Variants in UNC5D observed in about 807,000 individuals in gnomAD.
The protein encoded by UNC5D is netrin receptor UNC5D.
In UNC5D, 39 loss-of-function variants were observed where a neutral mutation model predicts 105.4. That is an observed-to-expected ratio of 0.37 (90% CI 0.29 to 0.48). UNC5D has a LOEUF of 0.48. Ranked by LOEUF, UNC5D falls within the 20% of genes least tolerant of loss-of-function variation. The pLI, the probability that UNC5D is intolerant of heterozygous loss-of-function variation, is 0.98. For missense variants in UNC5D, 991 were observed against 1,202.4 expected, an observed-to-expected ratio of 0.82 and a Z score of 2.60; for synonymous variants, 452 against 450.4, an observed-to-expected ratio of 1.00 and a Z score of -0.04.
intron 1 of UNC5D, among the ~76,000 whole-genome samples, chr8:35,507,205 G>A (rs1270076402): frequency 2.7e-5 from 4 of 150,844 alleles, no homozygotes; most frequent in Admixed American, 1.3e-4. Context: ...ACAGGCGCCC[G>A]CCACTACGCC....
intron 4 of UNC5D, among the ~76,000 whole-genome samples, chr8:35,645,280 G>C (rs993773078): frequency 6.6e-6 from 1 of 152,042 alleles, no homozygotes; most frequent in African/African-American, 2.4e-5. Flanking sequence ...CCTAATTTGG[G>C]CATTATTTAC....
intron 2 of UNC5D, among the ~76,000 whole-genome samples, chr8:35,551,410 G>A (rs1399942929): frequency 6.6e-6 from 1 of 152,192 alleles, no homozygotes; most frequent in African/African-American, 2.4e-5. Flanking sequence ...ACGAAGCCAT[G>A]TGGGTGGAAG....
chr8:35,369,312 ATTAAT>A (rs1282451507), intron 1 of UNC5D, among the ~76,000 whole-genome samples: 1 of 152,210 alleles, frequency 6.6e-6, no homozygotes, highest in East Asian at 1.9e-4. Context: ...TATACTTTGA[ATTAAT>A]TTTATTGACA....
chr8:35,503,229 C>T (rs1812083328), intron 1 of UNC5D, among the ~76,000 whole-genome samples: 1 of 152,080 alleles, frequency 6.6e-6, no homozygotes, highest in South Asian at 2.1e-4. Context: ...GTGTATTAGT[C>T]CGTTTTCATG....
At position 35,759,326 on chromosome 8, in the gene UNC5D, G is replaced by C. The variant is rs1415863035; in HGVS notation, c.2170G>C (p.Val724Leu). The change falls in exon 14 of 17, where the codon GTT (valine) becomes CTT (leucine). Residue 724 changes from valine (V) to leucine (L), a missense_variant. Physicochemically the swap from Val to Leu is conservative, Grantham distance 32 (BLOSUM62 1). Around this residue, in one of 3 missense-constraint regions of UNC5D, gnomAD observed 944 missense variants for 1,131.6 expected, o/e 0.83. Coordinates refer to ENST00000404895, the MANE Select transcript of UNC5D (RefSeq NM_080872.4). ...DNTPCAFQEV[V>L]SDERHQGGQL... ...TCTTTTTCTTCTCCTATAGGAAGTG[G>C]TTTCAGATGAAAGGCATCAAGGTGG... is the stretch of plus-strand genomic sequence containing the variant. 6.2e-7 allele frequency: 1 copy of C among 1,612,658 alleles called. No homozygotes were observed. Among genetic ancestry groups the C allele is most frequent in the Non-Finnish European group, 8.5e-7 (1 of 1,179,694 alleles).
intron 1 of UNC5D, among the ~76,000 whole-genome samples, chr8:35,536,099 T>G (rs1357294334): frequency 6.6e-6 from 1 of 152,206 alleles, no homozygotes; most frequent in East Asian, 1.9e-4. Context: ...GGAACAATAT[T>G]TTGTGCTTCA....
At chr8:35,659,120 T>TA (rs920726334) in intron 4 of UNC5D, among the ~76,000 whole-genome samples, 3 of 152,196 alleles carry the variant, frequency 2.0e-5, no homozygotes, top group Admixed American at 6.5e-5. Context: ...CATACTTTGT[T>TA]ATAGTTTTTT....
At chr8:35,719,355 G>A (rs554230229) in intron 8 of UNC5D, among the ~76,000 whole-genome samples, 4 of 152,136 alleles carry the variant, frequency 2.6e-5, no homozygotes, top group Non-Finnish European at 4.4e-5. Flanking sequence ...AAAACAATGG[G>A]ATGGAGGTGT....
chr8:35,480,931 G>A (rs541491454), intron 1 of UNC5D, among the ~76,000 whole-genome samples: 1 of 152,240 alleles, frequency 6.6e-6, no homozygotes, highest in Non-Finnish European at 1.5e-5. Flanking sequence ...GATATGGATG[G>A]CTTAAGATGA....
At chr8:35,486,034 T>G (rs548112623) in intron 1 of UNC5D, among the ~76,000 whole-genome samples, 1 of 152,144 alleles carries the variant, frequency 6.6e-6, no homozygotes, top group Non-Finnish European at 1.5e-5. Context: ...GTCACACTGC[T>G]TTTTTTTCTA....
chr8:35,595,441 TTG>T (rs1358668037), intron 3 of UNC5D, 111 bp from the exon 4 acceptor site: 85 of 786,796 alleles, frequency 1.1e-4, no homozygotes, highest in South Asian at 1.3e-4. Flanking sequence ...TGACTTATTT[TTG>T]TGTGTGTGTG....
At chr8:35,762,953 A>C (rs1801606577) in intron 14 of UNC5D, among the ~76,000 whole-genome samples, 1 of 152,154 alleles carries the variant, frequency 6.6e-6, no homozygotes, top group Non-Finnish European at 1.5e-5. Flanking sequence ...CAAAATGAAA[A>C]CATTTCCGGA....
intron 1 of UNC5D, among the ~76,000 whole-genome samples, chr8:35,301,122 A>C (rs1317519466): frequency 2.0e-5 from 3 of 152,138 alleles, no homozygotes. Context: ...TCCTTCAAGA[A>C]ATTACTGATT....
chr8:35,673,659 TG>T lies in UNC5D; in HGVS notation c.571-9887del, dbSNP rs549311063. 3.3e-5 allele frequency among the ~76,000 whole-genome samples: 5 copies of T among 152,266 alleles called. No homozygotes were observed. The East Asian group carries it at 9.7e-4, about 29-fold the overall frequency. ...GAATGACAATATGTTCACTTGTGAG[TG>T]TAAAGACAATGGCCGACAGCACTGT... On this transcript the variant is annotated intron_variant, in intron 4 of 16. Coordinates refer to ENST00000404895, the MANE Select transcript of UNC5D (RefSeq NM_080872.4).
At chr8:35,355,232 G>A (rs1221612680) in intron 1 of UNC5D, among the ~76,000 whole-genome samples, 1 of 152,032 alleles carries the variant, frequency 6.6e-6, no homozygotes, top group Non-Finnish European at 1.5e-5. Flanking sequence ...TGAACAACTT[G>A]AGCAAGATCC....
At chr8:35,395,827 C>G (rs551477025) in intron 1 of UNC5D, among the ~76,000 whole-genome samples, 1 of 152,324 alleles carries the variant, frequency 6.6e-6, no homozygotes, top group South Asian at 2.1e-4. Flanking sequence ...TTCTCACAGT[C>G]CTCACATGTC....
At chr8:35,756,796 A>G (rs1458450465) in intron 13 of UNC5D, among the ~76,000 whole-genome samples, 1 of 152,176 alleles carries the variant, frequency 6.6e-6, no homozygotes, top group Non-Finnish European at 1.5e-5. Context: ...TGTAGTTTCT[A>G]ACAAAATAGT....
chr8:35,251,229 G>A (rs1162798034), intron 1 of UNC5D, among the ~76,000 whole-genome samples: 2 of 152,136 alleles, frequency 1.3e-5, no homozygotes, highest in Non-Finnish European at 2.9e-5. Context: ...GTTCAACATG[G>A]CTGGGTAGGC....
intron 14 of UNC5D, among the ~76,000 whole-genome samples, chr8:35,760,040 C>CT (rs796124727): frequency 0.078 from 10,432 of 132,918 alleles, 731 homozygotes; most frequent in African/African-American, 0.18. Flanking sequence ...TTTACTTTTT[C>CT]TTTTTTTTTT....
Sources: gnomAD v4.1 joint callset for allele counts (sites outside exome capture counted in the v4.1 genomes callset) on GRCh38, gnomAD v4.1.1 for gene constraint, gnomAD v4.1.1 regional missense constraint, MANE v1.5 for transcripts, NCBI Gene and HGNC (gene_info 2026-07-23, HGNC 2026-07-21) for gene names.